FANCC: variants seen among roughly 807,000 people sequenced by gnomAD.
FANCC encodes the protein Fanconi anemia group C protein.
FANCC carries 55 observed loss-of-function variants against 71.3 expected under a neutral mutation model. The observed-to-expected ratio is 0.77, with a 90% CI of 0.62 to 0.97. The LOEUF is 0.97. FANCC is among the 50% of genes least tolerant of loss of function. The pLI is 0.00. For missense variants in FANCC, 678 were observed against 670.9 expected (o/e 1.01, Z -0.12); for synonymous variants, 275 against 244.9 (o/e 1.12, Z -1.15).
At chr9:95,108,599 A>T (rs897985704) in intron 13 of FANCC, among the ~76,000 whole-genome samples, 9 of 152,190 alleles carry the variant, frequency 5.9e-5, no homozygotes, top group Admixed American at 3.9e-4. Flanking sequence ...AACATGTCCT[A>T]AGTTTTTCAG....
intron 7 of FANCC, among the ~76,000 whole-genome samples, chr9:95,136,557 GT>G (rs1827726029): frequency 6.6e-6 from 1 of 151,866 alleles, no homozygotes; most frequent in Non-Finnish European, 1.5e-5. Context: ...TGTGATCAAA[GT>G]TCCCTGTAAC....
intron 6 of FANCC, among the ~76,000 whole-genome samples, chr9:95,170,699 A>G (rs1183619449): frequency 7.7e-6 from 1 of 130,510 alleles, no homozygotes; most frequent in Non-Finnish European, 1.7e-5. Flanking sequence ...AAGAAGGCAG[A>G]GCCAGGGCAG....
rs185956792 is a variant in FANCC, at chr9:95,224,314, C to T, written c.345+16335G>A. On this transcript the variant is annotated intron_variant, in intron 4 of 14. Coordinates refer to ENST00000289081, the MANE Select transcript of FANCC (RefSeq NM_000136.3). Reference sequence around the variant, plus strand: ...TGGTGGCAACACATTTTTCAAGTGGCTTTACGGACACATCTAGGCCCAACA... The same window carrying T: ...TGGTGGCAACACATTTTTCAAGTGGTTTTACGGACACATCTAGGCCCAACA... Among the ~76,000 whole-genome samples the T allele has an allele frequency of 7.1e-4, 108 of 152,240 alleles. 2 individuals carry two copies. The highest frequency in any genetic ancestry group is 7.8e-4 in the Non-Finnish European group (53 of 68,028).
In FANCC at chr9:95,176,212, C is replaced by T. The variant is rs180820906; in HGVS notation, c.346-4065G>A. ...CCAAGGCTAGTTATTTACTCTATGG[C>T]CAAACCTTATAATGAACCTCCCTGT... On this transcript the variant is annotated intron_variant, in intron 4 of 14. Coordinates refer to ENST00000289081, the MANE Select transcript of FANCC (RefSeq NM_000136.3). Among the ~76,000 whole-genome samples, 35 of 152,264 alleles carry T rather than the reference C, an allele frequency of 2.3e-4. No homozygotes were observed. The East Asian group carries it at 6.2e-3, about 27-fold the overall frequency.
At chr9:95,175,449 G>C (rs1349554566) in intron 4 of FANCC, among the ~76,000 whole-genome samples, 1 of 152,186 alleles carries the variant, frequency 6.6e-6, no homozygotes, top group Non-Finnish European at 1.5e-5. Context: ...GGGGCCACTT[G>C]CTTGTTATTG....
chr9:95,310,043 T>TTACTAA (rs1401144222), intron 1 of FANCC, among the ~76,000 whole-genome samples: 118 of 152,284 alleles, frequency 7.7e-4, no homozygotes, highest in East Asian at 2.9e-3. Context: ...TAAATGCCCC[T>TTACTAA]GCTGCACCAA....
intron 12 of FANCC, among the ~76,000 whole-genome samples, chr9:95,111,878 A>G (rs1054801295): frequency 1.3e-5 from 2 of 152,158 alleles, no homozygotes; most frequent in African/African-American, 2.4e-5. Context: ...TGGACATCGG[A>G]GTCTTTAATC....
At chr9:95,242,236 GTTCAT>G (rs1588340230) in intron 3 of FANCC, among the ~76,000 whole-genome samples, 2 of 152,026 alleles carry the variant, frequency 1.3e-5, no homozygotes, top group Non-Finnish European at 2.9e-5. Flanking sequence ...CCTGAGATCA[GTTCAT>G]TTCAAGAGTC....
intron 14 of FANCC, among the ~76,000 whole-genome samples, chr9:95,104,641 T>C (rs374064740): frequency 4.6e-5 from 7 of 152,176 alleles, no homozygotes; most frequent in African/African-American, 1.7e-4. Context: ...GATGGAAACA[T>C]GGCATCAGGA....
At chr9:95,113,232 G>A (rs1012487228) in intron 12 of FANCC, among the ~76,000 whole-genome samples, 3 of 152,186 alleles carry the variant, frequency 2.0e-5, no homozygotes, top group South Asian at 2.1e-4. Context: ...TGAGCAGCTG[G>A]CACCCAAGCC....
At chr9:95,293,400 G>C in intron 1 of FANCC, 2 of 1,579,424 alleles carry the variant, frequency 1.3e-6, no homozygotes. Context: ...CCTGATCCTC[G>C]GCCTAGATTC....
At chr9:95,258,587 T>C (rs1831817047) in intron 1 of FANCC, among the ~76,000 whole-genome samples, 1 of 152,202 alleles carries the variant, frequency 6.6e-6, no homozygotes, top group Admixed American at 6.5e-5. Flanking sequence ...AATATCATAC[T>C]AAATGGGCAA....
At position 95,125,081 on chromosome 9, in the gene FANCC, C is replaced by A; in HGVS notation, c.996+5G>T. ...TGAATGAGTAATATATGTGATATAA[C>A]AAACCTGCTTGCTTGCTTTCTCCAG... is the stretch of plus-strand genomic sequence containing the variant. On this transcript the variant is annotated splice_donor_5th_base_variant and intron_variant, in intron 10 of 14. Coordinates refer to ENST00000289081, the MANE Select transcript of FANCC (RefSeq NM_000136.3). 1 of 1,613,026 alleles carries A rather than the reference C, an allele frequency of 6.2e-7. No individual in the cohort carries two copies. The highest frequency in any genetic ancestry group is 8.5e-7 in the Non-Finnish European group (1 of 1,178,974).
chr9:95,144,008 T>G (rs990915691), intron 7 of FANCC, among the ~76,000 whole-genome samples: 1 of 152,112 alleles, frequency 6.6e-6, no homozygotes, highest in African/African-American at 2.4e-5. Context: ...ACCAGCCAAT[T>G]GTCAAACAGA....
chr9:95,122,471 G>A (rs2072961098), intron 10 of FANCC, among the ~76,000 whole-genome samples: 1 of 152,160 alleles, frequency 6.6e-6, no homozygotes, highest in Non-Finnish European at 1.5e-5. Context: ...GCAGGCATTG[G>A]CAAAGCAAAG....
intron 6 of FANCC, among the ~76,000 whole-genome samples, chr9:95,164,671 A>G (rs1418368538): frequency 1.3e-5 from 2 of 152,172 alleles, no homozygotes; most frequent in Non-Finnish European, 2.9e-5. Context: ...GTTTATACAT[A>G]TCTTTTTAAC....
intron 4 of FANCC, among the ~76,000 whole-genome samples, chr9:95,217,691 G>A (rs987403430): frequency 6.6e-6 from 1 of 152,100 alleles, no homozygotes; most frequent in African/African-American, 2.4e-5. Flanking sequence ...GCAAGTATTT[G>A]TCACCAGCTT....
intron 4 of FANCC, among the ~76,000 whole-genome samples, chr9:95,206,698 C>T (rs528962469): frequency 2.6e-5 from 4 of 152,244 alleles, no homozygotes; most frequent in African/African-American, 7.2e-5. Flanking sequence ...ACAGGTTAAA[C>T]ATGCACCAAG....
chr9:95,273,628 T>C (rs1019084420), intron 1 of FANCC, among the ~76,000 whole-genome samples: 1 of 152,198 alleles, frequency 6.6e-6, no homozygotes, highest in Non-Finnish European at 1.5e-5. Flanking sequence ...TTCCCCCAGC[T>C]TGCACGTCTT....
Sources: gnomAD v4.1 joint callset for allele counts (sites outside exome capture counted in the v4.1 genomes callset) on GRCh38, gnomAD v4.1.1 for gene constraint, MANE v1.5 for transcripts, NCBI Gene and HGNC (gene_info 2026-07-23, HGNC 2026-07-21) for gene names.